The following PTP4A1 variants were observed in gnomAD, a reference collection of about 807,000 sequenced individuals.
PTP4A1 encodes the protein protein tyrosine phosphatase 4A1, also known as protein tyrosine phosphatase type IVA 1.
PTP4A1 carries 9 observed loss-of-function variants against 20.5 expected under a neutral mutation model. That is an observed-to-expected ratio of 0.44 (90% CI 0.26 to 0.77). The LOEUF is 0.77. Among genes scored for constraint, PTP4A1 ranks in the 30% least tolerant of loss-of-function variants. The pLI is 0.19. For missense variants in PTP4A1, 137 were observed against 218.8 expected (o/e 0.63, Z 2.36); for synonymous variants, 78 against 67.4 (o/e 1.16, Z -0.77).
chr6:63,526,590 G>A (rs1023816494), intron 1 of PTP4A1, among the ~76,000 whole-genome samples: 2 of 151,314 alleles, frequency 1.3e-5, no homozygotes, highest in African/African-American at 2.4e-5. Flanking sequence ...CAGGCGGATC[G>A]CAAGGTAAGG....
intron 1 of PTP4A1, 40 bp from the exon 2 acceptor site, chr6:63,576,396 A>G (rs1313050430): frequency 7.5e-6 from 3 of 399,726 alleles, no homozygotes; most frequent in African/African-American, 6.2e-5. Flanking sequence ...TGAATTGGAA[A>G]ATAACTTATT....
chr6:63,534,059 T>C (rs1298477846), intron 2 of PTP4A1, among the ~76,000 whole-genome samples: 1 of 151,992 alleles, frequency 6.6e-6, no homozygotes, highest in African/African-American at 2.4e-5. Context: ...GGCAGGCTAG[T>C]CTAGAAATTC....
chr6:63,555,772 C>G (rs991981706), intron 3 of PTP4A1, among the ~76,000 whole-genome samples: 1 of 150,892 alleles, frequency 6.6e-6, no homozygotes, highest in African/African-American at 2.4e-5. Flanking sequence ...CGGCTCACTG[C>G]AACTTCTGCC....
chr6:63,551,850 C>T lies in PTP4A1; in HGVS notation c.-446+1357C>T, dbSNP rs1375373527. Among the ~76,000 whole-genome samples the T allele has an allele frequency of 1.2e-4, 19 of 152,192 alleles. No homozygotes were observed. The East Asian group carries it at 1.4e-3, about 11-fold the overall frequency. On this transcript the variant is annotated intron_variant, in intron 3 of 3. Transcript: ENST00000639568. ...GAATGATGGTTTCCAGCTTCATCCA[C>T]GTCCCTACAAAGGACATGAACTCAT...
chr6:63,549,961 T>C (rs1159444403), intron 2 of PTP4A1, among the ~76,000 whole-genome samples: 1 of 152,192 alleles, frequency 6.6e-6, no homozygotes, highest in Non-Finnish European at 1.5e-5. Context: ...GGATATTGAA[T>C]GTTCACAACA....
chr6:63,535,172 A>G (rs1775664348), intron 2 of PTP4A1, among the ~76,000 whole-genome samples: 1 of 152,142 alleles, frequency 6.6e-6, no homozygotes, highest in African/African-American at 2.4e-5. Flanking sequence ...AAGGATTAAA[A>G]ACACAGTAAT....
intron 3 of PTP4A1, among the ~76,000 whole-genome samples, chr6:63,553,452 T>C (rs1468160437): frequency 1.3e-5 from 2 of 152,170 alleles, no homozygotes; most frequent in East Asian, 1.9e-4. Flanking sequence ...AATAACCAGT[T>C]ACATGGGTGG....
intron 1 of PTP4A1, among the ~76,000 whole-genome samples, chr6:63,526,554 A>G (rs890322690): frequency 6.6e-6 from 1 of 151,950 alleles, no homozygotes; most frequent in African/African-American, 2.4e-5. Context: ...TCATGCCTGT[A>G]ATCCCAGTAC....
intron 2 of PTP4A1, among the ~76,000 whole-genome samples, chr6:63,547,333 G>T (rs1427582776): frequency 6.6e-6 from 1 of 151,160 alleles, no homozygotes; most frequent in East Asian, 1.9e-4. Context: ...GGGACTACAG[G>T]CATGTGCCAC....
intron 2 of PTP4A1, among the ~76,000 whole-genome samples, chr6:63,534,225 A>C (rs1463165535): frequency 6.6e-6 from 1 of 152,202 alleles, no homozygotes; most frequent in Non-Finnish European, 1.5e-5. Context: ...ACGTTTAAAA[A>C]AAAAGTTTTA....
At chr6:63,574,414 G>A (rs1394570690) in intron 1 of PTP4A1, among the ~76,000 whole-genome samples, 3 of 152,174 alleles carry the variant, frequency 2.0e-5, no homozygotes, top group Non-Finnish European at 4.4e-5. Context: ...GTAGGAGATT[G>A]GGAATGGAGG....
intron 3 of PTP4A1, among the ~76,000 whole-genome samples, chr6:63,560,183 C>T (rs1228757892): frequency 6.6e-6 from 1 of 151,598 alleles, no homozygotes; most frequent in African/African-American, 2.4e-5. Context: ...ACTAAAAATA[C>T]AAAAATTAGC....
intron 3 of PTP4A1, among the ~76,000 whole-genome samples, chr6:63,563,290 T>C (rs1777045229): frequency 6.6e-6 from 1 of 152,232 alleles, no homozygotes; most frequent in Non-Finnish European, 1.5e-5. Context: ...TCCTACGTGA[T>C]CCAGTCCCTG....
chr6:63,575,918 G>T (rs909040575), intron 1 of PTP4A1, among the ~76,000 whole-genome samples: 2 of 151,980 alleles, frequency 1.3e-5, no homozygotes, highest in African/African-American at 4.8e-5. Context: ...AGATGTTTCA[G>T]TTTATGAGTT....
At chr6:63,568,907 G>A (rs1322146831), upstream of PTP4A1, among the ~76,000 whole-genome samples, 1 of 151,948 alleles carries the variant, frequency 6.6e-6, no homozygotes, top group African/African-American at 2.4e-5. Context: ...CTAGATTATG[G>A]CCCATTGGGG....
chr6:63,534,648 AAAT>A (rs956451540), intron 2 of PTP4A1, among the ~76,000 whole-genome samples: 6 of 151,932 alleles, frequency 3.9e-5, no homozygotes, highest in Non-Finnish European at 7.4e-5. Context: ...TGTCTCTAAA[AAAT>A]AATAATAAAA....
chr6:63,574,798 G>T, intron 1 of PTP4A1, among the ~76,000 whole-genome samples: 2 of 152,252 alleles, frequency 1.3e-5, no homozygotes, highest in South Asian at 4.2e-4. Context: ...TTCTACGGAG[G>T]TTGTATTTAG....
chr6:63,526,748 G>A (rs1426243435), intron 1 of PTP4A1, among the ~76,000 whole-genome samples: 7 of 146,084 alleles, frequency 4.8e-5, no homozygotes, highest in Admixed American at 1.4e-4. Flanking sequence ...GCAGTGAGTC[G>A]AGATCACACC....
intron 2 of PTP4A1, among the ~76,000 whole-genome samples, chr6:63,531,999 C>A (rs1297565552): frequency 6.6e-6 from 1 of 152,112 alleles, no homozygotes; most frequent in Non-Finnish European, 1.5e-5. Flanking sequence ...CGGGGTTTCA[C>A]CATCTTGGTG....
Sources: allele counts gnomAD v4.1 joint callset (sites outside exome capture counted in the v4.1 genomes callset), GRCh38; gene constraint gnomAD v4.1.1; transcripts MANE v1.5; gene names NCBI Gene and HGNC (gene_info 2026-07-23, HGNC 2026-07-21).